TMED8: variants seen among roughly 807,000 people sequenced by gnomAD.
TMED8 encodes the protein protein TMED8.
Under a neutral mutation model 32.7 loss-of-function variants are expected in TMED8, and 15 were observed. The ratio of observed to expected loss-of-function variants is 0.46; its 90% CI spans 0.31 to 0.71. The LOEUF (loss-of-function observed/expected upper bound fraction) is 0.71. TMED8 is among the 30% of genes least tolerant of loss of function. The probability of loss-of-function intolerance (pLI) is 0.06; values close to 1 mark genes in which losing one functional copy is unlikely to be tolerated. For missense variants in TMED8, 390 were observed against 423.9 expected (o/e 0.92, Z 0.70); for synonymous variants, 147 against 161.4 (o/e 0.91, Z 0.68).
intron 1 of TMED8, 55 bp from the exon 2 acceptor site, chr14:77,351,806 T>C (rs1893186797): frequency 3.9e-5 from 57 of 1,462,472 alleles, no homozygotes; most frequent in Non-Finnish European, 5.2e-5. Context: ...ACAATCATAA[T>C]TATCTTGTAC....
chr14:77,345,733 G>T (rs530294314), intron 3 of TMED8, among the ~76,000 whole-genome samples: 2 of 151,744 alleles, frequency 1.3e-5, no homozygotes, highest in African/African-American at 2.4e-5. Context: ...ACTTTGGGAG[G>T]TCAAGGCGGG....
At position 77,335,780 on chromosome 14, in the gene TMED8, T is replaced by C. The variant is rs762111784; in HGVS notation, c.*5991A>G. Reference sequence around the variant, plus strand: ...GGTTACAGGATTGCTTTCTCTAGACTTGGCTTCTCTTTAACATGGCTAAAT... The same window carrying C: ...GGTTACAGGATTGCTTTCTCTAGACCTGGCTTCTCTTTAACATGGCTAAAT... On this transcript the variant is annotated 3_prime_UTR_variant, in exon 6 of 6. Coordinates refer to ENST00000216468, the MANE Select transcript of TMED8 (RefSeq NM_213601.3). 1.3e-5 allele frequency: 2 copies of C among 152,246 alleles called. No individual in the cohort carries two copies. The highest frequency in any genetic ancestry group is 4.8e-5 in the African/African-American group (2 of 41,472). The allele number at this position is 152,246 out of a possible 1,614,324, so 9.4% of individuals were successfully genotyped here. A position where few individuals can be genotyped will look rare whatever the true frequency, so the allele number is the denominator to read the frequency against.
In TMED8 at chr14:77,346,340, G is replaced by A. The variant is rs1893031780; in HGVS notation, c.327+9C>T. 1 of 1,613,740 alleles carries A rather than the reference G, an allele frequency of 6.2e-7. No homozygotes were observed. Among genetic ancestry groups the A allele is most frequent in the Non-Finnish European group, 8.5e-7 (1 of 1,179,822 alleles). ...CTTTCATAAGAAAGAGCCAGAATCT[G>A]CCCCCTACCTCATTGAGGACCTGGG... On this transcript the variant is annotated intron_variant, in intron 3 of 5. Transcript: ENST00000216468.
intron 1 of TMED8, among the ~76,000 whole-genome samples, chr14:77,355,376 A>G (rs1210624098): frequency 6.6e-6 from 1 of 151,958 alleles, no homozygotes; most frequent in African/African-American, 2.4e-5. Context: ...TTGTATTTTT[A>G]GTAGAGATGG....
At chr14:77,358,217 A>T (rs2139621850) in intron 1 of TMED8, among the ~76,000 whole-genome samples, 1 of 151,610 alleles carries the variant, frequency 6.6e-6, no homozygotes. Flanking sequence ...ATATATATAT[A>T]TCCTAAATGT....
At chr14:77,342,852 C>T (rs1166315908) in intron 5 of TMED8, among the ~76,000 whole-genome samples, 2 of 152,180 alleles carry the variant, frequency 1.3e-5, no homozygotes, top group Admixed American at 1.3e-4. Flanking sequence ...GTAAAATAAT[C>T]TCTGGCTTAC....
At chr14:77,344,339 T>C (rs1272385159) in intron 3 of TMED8, among the ~76,000 whole-genome samples, 1 of 152,238 alleles carries the variant, frequency 6.6e-6, no homozygotes, top group Non-Finnish European at 1.5e-5. Context: ...ATCTGGTTTA[T>C]AGTCTTTCTC....
chr14:77,346,432 G>A lies in TMED8; in HGVS notation c.244C>T (p.Arg82Trp), dbSNP rs200121206. The A allele has an allele frequency of 1.2e-5, 19 of 1,614,136 alleles. No individual in the cohort carries two copies. In the East Asian group the frequency reaches 1.3e-4, roughly 11 times the overall value. ...PVSKDATEDL[R>W]KATGPLEAQA... is the part of the protein sequence containing the mutation. ...GCCTCCAAAGGACCAGTTGCTTTCC[G>A]CAGATCTTCCGTGGCATCCTTACTC... is the stretch of plus-strand genomic sequence containing the variant. Residue 82 changes from arginine (R) to tryptophan (W), a missense_variant, in exon 3 of 6, where the codon CGG becomes TGG. Physicochemically the swap from Arg to Trp is moderately radical, Grantham distance 101. Coordinates refer to ENST00000216468, the MANE Select transcript of TMED8 (RefSeq NM_213601.3).
intron 1 of TMED8, among the ~76,000 whole-genome samples, chr14:77,354,635 T>C (rs1487629635): frequency 1.3e-5 from 2 of 152,122 alleles, no homozygotes; most frequent in Non-Finnish European, 2.9e-5. Flanking sequence ...TAACCAAAGA[T>C]TACCACTGTT....
intron 1 of TMED8, among the ~76,000 whole-genome samples, chr14:77,352,560 G>A (rs566328391): frequency 1.1e-4 from 17 of 152,102 alleles, no homozygotes; most frequent in Admixed American, 3.3e-4. Context: ...CCAACATGGC[G>A]AAACCATGTC....
At chr14:77,360,653 G>A (rs940526326) in intron 1 of TMED8, among the ~76,000 whole-genome samples, 12 of 152,242 alleles carry the variant, frequency 7.9e-5, no homozygotes, top group South Asian at 6.2e-4. Context: ...TGAATAATGC[G>A]ACAATGAACA....
intron 1 of TMED8, among the ~76,000 whole-genome samples, chr14:77,354,765 C>T (rs1313562340): frequency 6.6e-6 from 1 of 152,102 alleles, no homozygotes; most frequent in Non-Finnish European, 1.5e-5. Context: ...ACCAGCCCGG[C>T]CAACACGGCA....
In TMED8 at chr14:77,376,844, A is replaced by C; in HGVS notation, c.118+92T>G. 2 of 756,454 alleles carry C rather than the reference A, an allele frequency of 2.6e-6. No individual in the cohort carries two copies. The highest frequency in any genetic ancestry group is 3.6e-6 in the Non-Finnish European group (2 of 551,440). The allele number at this position is 756,454 out of a possible 1,614,324, so 46.9% of individuals were successfully genotyped here. On this transcript the variant is annotated intron_variant, in intron 1 of 5. Transcript: ENST00000216468. The surrounding 1 kb of genome is among the most constrained non-coding windows in gnomAD (Gnocchi z 4.0). ...CCGAGGTGGGTCCGCTCCGCGGGGA[A>C]GCCCAGGACAGAGCGCGGCGGAGGC...
intron 1 of TMED8, among the ~76,000 whole-genome samples, chr14:77,372,954 T>TATATA (rs1893728507): frequency 3.8e-5 from 1 of 26,040 alleles, no homozygotes; most frequent in Non-Finnish European, 7.0e-5. Context: ...ATATATATAT[T>TATATA]TTTTTTTTTT....
In TMED8 at chr14:77,343,263, A is replaced by G; in HGVS notation, c.675T>C (p.Pro225=). ...GCACAGTTATGTCAGTGCTAGTTAC[A>G]GGGGTCCAGTCAAAATAAACTCCAA... ...IGFGVYFDWT[P]VTSTDITVQV... is the part of the protein sequence containing the mutation. The change falls in exon 5 of 6, where the codon CCT becomes CCC. Residue 225 remains proline, a synonymous_variant. Transcript: ENST00000216468. 6.2e-7 allele frequency: 1 copy of G among 1,614,212 alleles called. No individual in the cohort carries two copies. Among genetic ancestry groups the G allele is most frequent in the South Asian group, 1.1e-5 (1 of 91,088 alleles).
chr14:77,358,127 A>C (rs1293963112), intron 1 of TMED8, among the ~76,000 whole-genome samples: 1 of 147,996 alleles, frequency 6.8e-6, no homozygotes, highest in Non-Finnish European at 1.5e-5. Context: ...CTGTCTCCAA[A>C]AAAAAAAAAA....
intron 1 of TMED8, among the ~76,000 whole-genome samples, chr14:77,372,686 C>G (rs1022687844): frequency 1.3e-5 from 2 of 151,726 alleles, no homozygotes; most frequent in Non-Finnish European, 2.9e-5. Flanking sequence ...GAATAATCAA[C>G]TATCTGACTA....
intron 3 of TMED8, among the ~76,000 whole-genome samples, chr14:77,345,863 G>A (rs924033042): frequency 9.9e-5 from 15 of 151,544 alleles, no homozygotes; most frequent in African/African-American, 2.4e-4. Context: ...CCAGCTACTC[G>A]GGAGGCGAGG....
At chr14:77,369,056 G>A (rs938257889) in intron 1 of TMED8, among the ~76,000 whole-genome samples, 13 of 152,204 alleles carry the variant, frequency 8.5e-5, no homozygotes, top group African/African-American at 2.9e-4. Flanking sequence ...ATAATCTACC[G>A]AGTTGATTTT....
Sources: allele counts gnomAD v4.1 joint callset (sites outside exome capture counted in the v4.1 genomes callset), GRCh38; gene constraint gnomAD v4.1.1; non-coding constraint Gnocchi (gnomAD v3.1); transcripts MANE v1.5; gene names NCBI Gene and HGNC (gene_info 2026-07-23, HGNC 2026-07-21).